Variants in MYOM1 observed in about 807,000 individuals in gnomAD.
The protein encoded by MYOM1 is myomesin 1, also known as myomesin-1.
A neutral mutation model predicts 205.3 loss-of-function variants in MYOM1; 164 were observed. The observed-to-expected ratio is 0.80, with a 90% CI of 0.70 to 0.91. MYOM1 has a LOEUF of 0.91. Ranked by LOEUF, MYOM1 falls within the 40% of genes least tolerant of loss-of-function variation. MYOM1 has a pLI of 0.00. For missense variants in MYOM1, 2,011 were observed against 2,127.3 expected, an observed-to-expected ratio of 0.95 and a Z score of 1.08; for synonymous variants, 772 against 789.4, an observed-to-expected ratio of 0.98 and a Z score of 0.37.
At chr18:3,103,510 G>A (rs1196378529) in intron 22 of MYOM1, among the ~76,000 whole-genome samples, 2 of 152,122 alleles carry the variant, frequency 1.3e-5, no homozygotes, top group Non-Finnish European at 2.9e-5. Flanking sequence ...CCAGTTGAAA[G>A]GAGTAAAATG....
At chr18:3,102,708 T>C (rs915941320) in intron 22 of MYOM1, 78 bp from the exon 23 acceptor site, 4 of 1,480,336 alleles carry the variant, frequency 2.7e-6, no homozygotes, top group Non-Finnish European at 3.7e-6. Context: ...TGAGATTCTT[T>C]ACTTTAACCC....
In MYOM1 at chr18:3,219,829, G is replaced by C. The variant is rs529513728; in HGVS notation, c.-55C>G. ...AGTTTCCAAAGGAGTAATGGTGGTGGAAATGTTCCGATGAGGCCGAGGAGC... is the reference window on the plus strand; with the variant it reads ...AGTTTCCAAAGGAGTAATGGTGGTGCAAATGTTCCGATGAGGCCGAGGAGC... On this transcript the variant is annotated 5_prime_UTR_variant, in exon 1 of 38. Transcript: ENST00000356443. This position sits in a 1 kb window ranked among gnomAD's most constrained non-coding sequence, Gnocchi z 4.4. 6.6e-6 allele frequency: 1 copy of C among 152,422 alleles called. No homozygotes were observed. The highest frequency in any genetic ancestry group is 2.1e-4 in the South Asian group (1 of 4,818). 9.4% of individuals were successfully genotyped at this position (152,422 alleles called of 1,614,324 possible).
intron 22 of MYOM1, among the ~76,000 whole-genome samples, chr18:3,103,167 A>C (rs748062044): frequency 1.4e-5 from 2 of 146,218 alleles, no homozygotes; most frequent in Admixed American, 7.2e-5. Flanking sequence ...CTATATTCAC[A>C]TATTCAAAGT....
rs191351048 is a variant in MYOM1, at chr18:3,173,468, G to C, written c.1174+470C>G. On this transcript the variant is annotated intron_variant, in intron 8 of 37. Transcript: ENST00000356443. ...ACCCAGGACACCTAACCCTGACTGG[G>C]TAGGGTGTAGGGGCGGCAGTGGGGG... 2.0e-5 allele frequency among the ~76,000 whole-genome samples: 3 copies of C among 152,176 alleles called. No individual in the cohort carries two copies. The East Asian group carries it at 5.8e-4, about 29-fold the overall frequency.
chr18:3,092,049 G>A (rs1311325333), intron 26 of MYOM1, among the ~76,000 whole-genome samples: 1 of 151,888 alleles, frequency 6.6e-6, no homozygotes, highest in Non-Finnish European at 1.5e-5. Flanking sequence ...TTTTTAATGA[G>A]TAGAATAATG....
rs890951271 is a variant in MYOM1 at position 3,219,552 on chromosome 18, T to C, written c.-29+251A>G. On this transcript the variant is annotated intron_variant, in intron 1 of 37. Coordinates refer to ENST00000356443, the MANE Select transcript of MYOM1 (RefSeq NM_003803.4). The surrounding 1 kb of genome is among the most constrained non-coding windows in gnomAD (Gnocchi z 4.4). ...TCAATCCGAGGCAGATATGACCTCCTTACAGTTCCAGGAACAGCAGCTTAA... is the reference window on the plus strand; with the variant it reads ...TCAATCCGAGGCAGATATGACCTCCCTACAGTTCCAGGAACAGCAGCTTAA... 5.9e-5 allele frequency among the ~76,000 whole-genome samples: 9 copies of C among 152,178 alleles called. No homozygotes were observed. Among genetic ancestry groups the C allele is most frequent in the African/African-American group, 2.2e-4 (9 of 41,430 alleles).
At chr18:3,243,208 A>T in the MYOM1 span, among the ~76,000 whole-genome samples, 107 of 152,340 alleles carry the variant, frequency 7.0e-4, no homozygotes, top group Non-Finnish European at 1.2e-3. Flanking sequence ...TTATTCATTT[A>T]AAAGAAAGGA....
intron 11 of MYOM1, among the ~76,000 whole-genome samples, chr18:3,153,232 A>G (rs187281370): frequency 8.1e-4 from 123 of 152,338 alleles, no homozygotes; most frequent in African/African-American, 2.8e-3. Flanking sequence ...TTGGAGCAGA[A>G]AGAACACAAA....
At chr18:3,182,673 C>A (rs1356994430) in intron 5 of MYOM1, among the ~76,000 whole-genome samples, 1 of 152,068 alleles carries the variant, frequency 6.6e-6, no homozygotes, top group Non-Finnish European at 1.5e-5. Flanking sequence ...CCATATCCTT[C>A]CAGAATTTCA....
intron 2 of MYOM1, among the ~76,000 whole-genome samples, chr18:3,210,973 C>T (rs1289237691): frequency 6.6e-6 from 1 of 152,128 alleles, no homozygotes. Flanking sequence ...TGAATTACGT[C>T]ATATAGGCTG....
At chr18:3,237,248 A>C in the MYOM1 span, among the ~76,000 whole-genome samples, 6 of 152,174 alleles carry the variant, frequency 3.9e-5, no homozygotes, top group Non-Finnish European at 5.9e-5. Flanking sequence ...TCCATCAACA[A>C]ATGAACAGAT....
At chr18:3,122,384 T>C (rs546209567) in intron 19 of MYOM1, among the ~76,000 whole-genome samples, 1 of 152,286 alleles carries the variant, frequency 6.6e-6, no homozygotes, top group Admixed American at 6.5e-5. Context: ...TCTATGGTAA[T>C]AACAGGCAAT....
At chr18:3,241,384 G>T in the MYOM1 span, among the ~76,000 whole-genome samples, 3 of 152,204 alleles carry the variant, frequency 2.0e-5, no homozygotes, top group African/African-American at 7.2e-5. Context: ...GCTGAAAGGG[G>T]CCAAGGTACA....
chr18:3,138,388 G>C (rs2080001590), intron 14 of MYOM1, among the ~76,000 whole-genome samples: 1 of 152,126 alleles, frequency 6.6e-6, no homozygotes, highest in African/African-American at 2.4e-5. Context: ...AACATGGCAT[G>C]GCATAGAGGA....
chr18:3,168,612 T>G (rs1469491368), intron 9 of MYOM1, among the ~76,000 whole-genome samples: 1 of 152,216 alleles, frequency 6.6e-6, no homozygotes, highest in Admixed American at 6.5e-5. Flanking sequence ...TTATGATTCT[T>G]TCCACATCTT....
At chr18:3,190,235 T>A (rs73375201) in intron 3 of MYOM1, among the ~76,000 whole-genome samples, 13,800 of 152,276 alleles carry the variant, frequency 0.091, 901 homozygotes, top group African/African-American at 0.19. Flanking sequence ...CTTTTGTTGT[T>A]AACCCCCTCA....
chr18:3,207,035 C>T (rs551689904), intron 2 of MYOM1, among the ~76,000 whole-genome samples: 4 of 151,746 alleles, frequency 2.6e-5, no homozygotes, highest in African/African-American at 7.3e-5. Context: ...GGAATATAAC[C>T]GCAATTTTTT....
At chr18:3,075,369 A>G in intron 36 of MYOM1, 85 bp downstream of exon 36, 2 of 1,292,510 alleles carry the variant, frequency 1.5e-6, no homozygotes, top group South Asian at 1.3e-5. Context: ...ATTCTCCTCC[A>G]TCTGTAGTTA....
At chr18:3,205,999 A>G (rs1414086335) in intron 2 of MYOM1, among the ~76,000 whole-genome samples, 3 of 152,286 alleles carry the variant, frequency 2.0e-5, no homozygotes, top group Non-Finnish European at 4.4e-5. Context: ...TATTATGTCA[A>G]TCAAGGAAGA....
Sources: allele counts gnomAD v4.1 joint callset (sites outside exome capture counted in the v4.1 genomes callset), GRCh38; gene constraint gnomAD v4.1.1; non-coding constraint Gnocchi (gnomAD v3.1); transcripts MANE v1.5; gene names NCBI Gene and HGNC (gene_info 2026-07-23, HGNC 2026-07-21).